Variants in KYNU observed in about 807,000 individuals in gnomAD.
The protein encoded by KYNU is L-kynurenine hydrolase.
KYNU carries 54 observed loss-of-function variants against 59.2 expected under a neutral mutation model. The observed-to-expected ratio is 0.91, with a 90% CI of 0.73 to 1.14. KYNU has a LOEUF of 1.14. Among genes scored for constraint, KYNU ranks in the 50% most tolerant of loss-of-function variants. The pLI, the probability that KYNU is intolerant of heterozygous loss-of-function variation, is 0.00. For synonymous variants in KYNU, 177 were observed against 192.0 expected, an observed-to-expected ratio of 0.92 and a Z score of 0.65; for missense variants, 567 against 554.4, an observed-to-expected ratio of 1.02 and a Z score of -0.23.
chr2:142,948,098 C>T (rs1683860428), intron 4 of KYNU: 1 of 152,172 alleles, frequency 6.6e-6, no homozygotes, highest in Non-Finnish European at 1.5e-5. Context: ...CACAAGTGCA[C>T]CTGGACCCTA....
At chr2:143,015,857 C>T (rs1371865796) in intron 10 of KYNU, among the ~76,000 whole-genome samples, 2 of 152,138 alleles carry the variant, frequency 1.3e-5, no homozygotes, top group Admixed American at 6.5e-5. Flanking sequence ...TTAGACAGAA[C>T]GTCAGTTTCA....
At position 143,050,478 on chromosome 2, in the gene KYNU, T is replaced by C. The variant is rs868836103; in HGVS notation, c.*8306T>C. ...CGTCCCTGCAAAGGACATGATCTCATTCCTCAATACTATGGCTACGTAGTA... is the reference window on the plus strand; with the variant it reads ...CGTCCCTGCAAAGGACATGATCTCACTCCTCAATACTATGGCTACGTAGTA... On this transcript the variant is annotated 3_prime_UTR_variant, in exon 14 of 14. Coordinates refer to ENST00000264170, the MANE Select transcript of KYNU (RefSeq NM_003937.3). 3 of 152,182 alleles carry C rather than the reference T, an allele frequency of 2.0e-5. No homozygotes were observed. The highest frequency in any genetic ancestry group is 2.9e-5 in the Non-Finnish European group (2 of 68,042). 9.4% of individuals were successfully genotyped at this position (152,182 alleles called of 1,614,324 possible). A position where few individuals can be genotyped will look rare whatever the true frequency, so the allele number is the denominator to read the frequency against.
At chr2:142,904,186 T>C (rs1172225008) in intron 2 of KYNU, among the ~76,000 whole-genome samples, 1 of 152,234 alleles carries the variant, frequency 6.6e-6, no homozygotes, top group Non-Finnish European at 1.5e-5. Context: ...CCTCAATGCC[T>C]CCCTTAGTCT....
chr2:143,032,027 C>G (rs1467054352), intron 11 of KYNU, among the ~76,000 whole-genome samples: 2 of 152,104 alleles, frequency 1.3e-5, no homozygotes, highest in Non-Finnish European at 2.9e-5. Context: ...CCTGTAATCC[C>G]AGCACTTTGG....
At position 143,051,248 on chromosome 2, in the gene KYNU, T is replaced by G. The variant is rs1351168861; in HGVS notation, c.*9076T>G. The stretch of plus-strand genomic sequence containing the variant: ...ACCCTATCTATTTTTGATAACTTCA[T>G]AGCCTTTAGTATAAAAACAGGTAGG... On this transcript the variant is annotated 3_prime_UTR_variant, in exon 14 of 14. Transcript: ENST00000264170. The G allele has an allele frequency of 6.6e-6, 1 of 152,186 alleles. No homozygotes were observed. The highest frequency in any genetic ancestry group is 2.4e-5 in the African/African-American group (1 of 41,468). The allele number at this position is 152,186 out of a possible 1,614,324, so 9.4% of individuals were successfully genotyped here.
intron 3 of KYNU, among the ~76,000 whole-genome samples, chr2:142,919,889 T>C (rs563546021): frequency 6.6e-6 from 1 of 152,300 alleles, no homozygotes; most frequent in African/African-American, 2.4e-5. Context: ...CTGACCAACA[T>C]GGTGAAACCT....
intron 2 of KYNU, among the ~76,000 whole-genome samples, chr2:142,901,514 G>A (rs551747170): frequency 2.0e-5 from 3 of 151,978 alleles, no homozygotes; most frequent in Admixed American, 6.6e-5. Context: ...TGATGACCCC[G>A]GCAGTGTAAG....
intron 1 of KYNU, among the ~76,000 whole-genome samples, chr2:142,884,054 C>T (rs1482184715): frequency 2.6e-5 from 4 of 152,130 alleles, no homozygotes; most frequent in African/African-American, 9.7e-5. Context: ...GAAATATAAA[C>T]AAACAAGCTT....
intron 13 of KYNU, among the ~76,000 whole-genome samples, chr2:143,041,473 A>G (rs951993133): frequency 4.6e-5 from 7 of 152,012 alleles, no homozygotes; most frequent in African/African-American, 1.7e-4. Context: ...AAGAGTTGTG[A>G]TTGGATTGAA....
intron 2 of KYNU, among the ~76,000 whole-genome samples, chr2:142,897,566 CAA>C (rs1009668750): frequency 2.6e-4 from 40 of 152,150 alleles, no homozygotes; most frequent in African/African-American, 9.4e-4. Flanking sequence ...ACAAATGAAA[CAA>C]ACACAGCTGA....
In KYNU at chr2:143,052,378, G is replaced by A. The variant is rs1687282358; in HGVS notation, c.*10206G>A. On this transcript the variant is annotated 3_prime_UTR_variant, in exon 14 of 14. Transcript: ENST00000264170. ...CAGACATTTACATAAGTAACAAGAA[G>A]CTGAATGTTAATCACTAAGACAATG... The A allele has an allele frequency of 6.6e-6, 1 of 152,244 alleles. No individual in the cohort carries two copies. The highest frequency in any genetic ancestry group is 2.4e-5 in the African/African-American group (1 of 41,472). 9.4% of individuals were successfully genotyped at this position (152,244 alleles called of 1,614,324 possible).
rs1338201460 is a variant in KYNU, at chr2:142,957,685, A to T, written c.552A>T (p.Glu184Asp). The T allele has an allele frequency of 1.2e-6, 2 of 1,605,814 alleles. No individual in the cohort carries two copies. The highest frequency in any genetic ancestry group is 2.2e-5 in the South Asian group (2 of 90,906). Residue 184 changes from glutamate (E) to aspartate (D), a missense_variant, in exon 7 of 14, where the codon GAA becomes GAT. By Grantham distance (45) the Glu-to-Asp change is conservative. Transcript: ENST00000264170. ...TACAACTTCACGGACTTAACATTGA[A>T]GAAAGTATGCGGATGATAAAGCCAA... Reference protein sequence around the residue: ...SQLQLHGLNIEESMRMIKPRE... With the variant: ...SQLQLHGLNIDESMRMIKPRE...
intron 5 of KYNU, 38 bp downstream of exon 5, chr2:142,954,909 AT>A: frequency 8.1e-7 from 1 of 1,234,466 alleles, no homozygotes; most frequent in Non-Finnish European, 1.2e-6. Flanking sequence ...GAACACATTC[AT>A]TTACAGAATC....
intron 12 of KYNU, 31 bp from the exon 13 acceptor site, chr2:143,040,397 C>G: frequency 6.6e-7 from 1 of 1,503,980 alleles, no homozygotes; most frequent in Non-Finnish European, 9.3e-7. Context: ...ATCAATAAGA[C>G]ACTTTAATCT....
chr2:142,999,676 G>C (rs1025375127), intron 10 of KYNU, among the ~76,000 whole-genome samples: 3 of 152,054 alleles, frequency 2.0e-5, no homozygotes, highest in African/African-American at 7.2e-5. Context: ...CCATGTATCA[G>C]TATGGGCTGT....
At chr2:142,896,766 C>T (rs1257029911) in intron 2 of KYNU, among the ~76,000 whole-genome samples, 2 of 152,068 alleles carry the variant, frequency 1.3e-5, no homozygotes, top group African/African-American at 2.4e-5. Flanking sequence ...AGATAACAGG[C>T]GTGAGTCATG....
At chr2:142,930,222 A>G (rs981810773) in intron 4 of KYNU, among the ~76,000 whole-genome samples, 1 of 152,202 alleles carries the variant, frequency 6.6e-6, no homozygotes, top group Non-Finnish European at 1.5e-5. Context: ...AAGACAGAAA[A>G]AAGGTCAGAG....
At chr2:143,019,644 A>G (rs996704258) in intron 10 of KYNU, among the ~76,000 whole-genome samples, 2 of 151,982 alleles carry the variant, frequency 1.3e-5, no homozygotes, top group Admixed American at 6.6e-5. Flanking sequence ...CTTGTCTGCT[A>G]TTGGTATCAG....
chr2:142,956,083 G>A (rs548608373), intron 5 of KYNU, 120 bp from the exon 6 acceptor site: 45 of 617,972 alleles, frequency 7.3e-5, no homozygotes, highest in African/African-American at 6.5e-4. Context: ...AAACACTTAA[G>A]ATGTTGAGTT....
Sources: allele counts gnomAD v4.1 joint callset (sites outside exome capture counted in the v4.1 genomes callset), GRCh38; gene constraint gnomAD v4.1.1; transcripts MANE v1.5; gene names NCBI Gene and HGNC (gene_info 2026-07-23, HGNC 2026-07-21).